CAST: variants seen among roughly 807,000 people sequenced by gnomAD.
The protein encoded by CAST is MIR583 host.
A neutral mutation model predicts 119.6 loss-of-function variants in CAST; 76 were observed. That is an observed-to-expected ratio of 0.64 (90% CI 0.53 to 0.77). CAST has a LOEUF of 0.77. Among genes scored for constraint, CAST ranks in the 30% least tolerant of loss-of-function variants. The pLI is 0.00. For missense variants in CAST, 953 were observed against 946.5 expected (o/e 1.01, Z -0.09); for synonymous variants, 319 against 331.6 (o/e 0.96, Z 0.41).
At chr5:96,161,535 C>T in the CAST span, among the ~76,000 whole-genome samples, 6 of 152,090 alleles carry the variant, frequency 3.9e-5, no homozygotes, top group African/African-American at 1.4e-4. Flanking sequence ...CTTACTGTAA[C>T]GTTATAGTAA....
In CAST at chr5:96,774,400, C is replaced by CTAA. The variant is rs1267473363; in HGVS notation, c.*1788_*1790dup. ...TCGAGACTTGGGTGTTTGTTAATAA[C>CTAA]TAATAACTGGAGTAAGCTACAGGAT... On this transcript the variant is annotated 3_prime_UTR_variant, in exon 32 of 32. Coordinates refer to ENST00000675179, the MANE Select transcript of CAST (RefSeq NM_001750.7). 4.0e-6 allele frequency: 2 copies of CTAA among 506,316 alleles called. No homozygotes were observed. The highest frequency in any genetic ancestry group is 8.5e-5 in the South Asian group (1 of 11,790). 31.4% of individuals were successfully genotyped at this position (506,316 alleles called of 1,614,324 possible).
At chr5:96,650,631 A>G (rs902051956) in intron 1 of CAST, among the ~76,000 whole-genome samples, 1 of 152,056 alleles carries the variant, frequency 6.6e-6, no homozygotes, top group Non-Finnish European at 1.5e-5. Context: ...GAATTATTTT[A>G]TGTAATTTGC....
chr5:96,261,634 A>G, the CAST span, among the ~76,000 whole-genome samples: 2 of 152,242 alleles, frequency 1.3e-5, no homozygotes, highest in Non-Finnish European at 2.9e-5. Flanking sequence ...GCAGATTAGC[A>G]TCCAAGATGG....
At chr5:96,450,390 G>A in the CAST span, among the ~76,000 whole-genome samples, 1 of 152,096 alleles carries the variant, frequency 6.6e-6, no homozygotes, top group African/African-American at 2.4e-5. Flanking sequence ...TAAACAATGG[G>A]TACACACAGA....
Position 96,746,413 on chromosome 5 carries a change from A to C in CAST, c.1272A>C (p.Leu424Phe), listed in dbSNP as rs1223530724. The C allele has an allele frequency of 1.2e-6, 2 of 1,601,808 alleles. No individual in the cohort carries two copies. Among genetic ancestry groups the C allele is most frequent in the African/African-American group, 1.3e-5 (1 of 74,692 alleles). Reference sequence around the variant, plus strand: ...AAACAATCCCATCTGAGTACAGATTAAAACCAGCCACGGTAAATTTTTAGC... The same window carrying C: ...AAACAATCCCATCTGAGTACAGATTCAAACCAGCCACGGTAAATTTTTAGC... The part of the protein sequence containing the change: ...DDETIPSEYR[L>F]KPATDKDGKP... The change falls in exon 17 of 32, where the codon TTA becomes TTC. Residue 424 changes from leucine to phenylalanine, a missense_variant. Physicochemically the swap from Leu to Phe is conservative, Grantham distance 22. Coordinates refer to ENST00000675179, the MANE Select transcript of CAST (RefSeq NM_001750.7).
rs574220696 is a variant in CAST at position 96,576,377 on chromosome 5, C to CTCTGT, written c.60+46498_60+46502dup. 8.6e-4 allele frequency among the ~76,000 whole-genome samples: 131 copies of CTCTGT among 152,194 alleles called. 2 individuals carry two copies. In the South Asian group the frequency reaches 0.027, roughly 31 times the overall value. On this transcript the variant is annotated intron_variant, in intron 1 of 11. Transcript: ENST00000505143. ...GTTTTGTTTTGGTGACAGAGTCTCACTCTGTCACCCAGGCTGGAGTGCAGT... is the reference window on the plus strand; with the variant it reads ...GTTTTGTTTTGGTGACAGAGTCTCACTCTGTTCTGTCACCCAGGCTGGAGTGCAGT...
the CAST span, among the ~76,000 whole-genome samples, chr5:96,042,551 T>C: frequency 1.8e-3 from 267 of 152,302 alleles, 1 homozygote; most frequent in African/African-American, 6.1e-3. Flanking sequence ...ACTCAGTAAG[T>C]GTTCGATATG....
intron 1 of CAST, among the ~76,000 whole-genome samples, chr5:96,644,904 A>C (rs1382944954): frequency 1.3e-5 from 2 of 152,150 alleles, no homozygotes; most frequent in Non-Finnish European, 2.9e-5. Flanking sequence ...TGAGCCTGGG[A>C]GGCAGAGGTT....
intron 1 of CAST, among the ~76,000 whole-genome samples, chr5:96,606,260 G>A (rs763964183): frequency 6.6e-6 from 1 of 152,118 alleles, no homozygotes; most frequent in African/African-American, 2.4e-5. Flanking sequence ...ACAGAGAAAT[G>A]GGAAAGAGGT....
At position 96,554,932 on chromosome 5, in the gene CAST, A is replaced by T. The variant is rs937060985; in HGVS notation, c.60+25052A>T. The stretch of plus-strand genomic sequence containing the variant: ...ATACTGGAGAGGTTGTGGAAAAATA[A>T]GAGTGCTTTTACACTGTTGGTGGAA... On this transcript the variant is annotated intron_variant, in intron 1 of 11. Transcript: ENST00000505143. Among the ~76,000 whole-genome samples, 59 of 152,310 alleles carry T rather than the reference A, an allele frequency of 3.9e-4. 1 individual carries two copies. The highest frequency in any genetic ancestry group is 1.4e-3 in the African/African-American group (59 of 41,580).
chr5:96,713,883 G>T (rs756849819), intron 3 of CAST, among the ~76,000 whole-genome samples: 1 of 152,098 alleles, frequency 6.6e-6, no homozygotes, highest in Non-Finnish European at 1.5e-5. Flanking sequence ...GCTGAGACCG[G>T]AGAATTGCTT....
chr5:96,563,194 C>T (rs541733379), intron 1 of CAST, among the ~76,000 whole-genome samples: 1 of 152,238 alleles, frequency 6.6e-6, no homozygotes, highest in East Asian at 1.9e-4. Flanking sequence ...CACTCTTCAA[C>T]AAAACTCCCA....
the CAST span, among the ~76,000 whole-genome samples, chr5:96,038,508 T>C: frequency 4.5e-4 from 68 of 152,046 alleles, no homozygotes; most frequent in East Asian, 1.7e-3. Context: ...TCTCCTAATG[T>C]TATCCCTCCT....
At chr5:96,734,626 A>G (rs1433492381) in intron 9 of CAST, among the ~76,000 whole-genome samples, 1 of 152,128 alleles carries the variant, frequency 6.6e-6, no homozygotes, top group African/African-American at 2.4e-5. Flanking sequence ...GCCACACGGT[A>G]AGGGAAAGGA....
chr5:96,521,488 T>TA (rs1189453691), upstream of CAST, among the ~76,000 whole-genome samples: 1 of 152,166 alleles, frequency 6.6e-6, no homozygotes, highest in African/African-American at 2.4e-5. Flanking sequence ...GTGTCTTTAA[T>TA]AAAGTCTTCT....
the CAST span, among the ~76,000 whole-genome samples, chr5:96,275,904 A>G: frequency 3.9e-5 from 6 of 152,362 alleles, no homozygotes; most frequent in African/African-American, 1.4e-4. Flanking sequence ...GAAGAGCACA[A>G]CTGAGAAGAA....
chr5:96,034,511 G>GCACACACACACACACACACACACA, the CAST span, among the ~76,000 whole-genome samples: 3 of 65,676 alleles, frequency 4.6e-5, no homozygotes, highest in Admixed American at 2.9e-4. Flanking sequence ...ACACACATAT[G>GCACACACACACACACACACACACA]TGTGTGTGTA....
intron 1 of CAST, among the ~76,000 whole-genome samples, chr5:96,537,760 C>G (rs1315510195): frequency 1.3e-5 from 2 of 152,152 alleles, no homozygotes; most frequent in Non-Finnish European, 2.9e-5. Flanking sequence ...GATTGTCACT[C>G]GGTCACTTGG....
intron 25 of CAST, chr5:96,762,786 G>A (rs1056212719): frequency 4.1e-6 from 1 of 241,618 alleles, no homozygotes; most frequent in Non-Finnish European, 8.0e-6. Context: ...TTATGGAATC[G>A]TCATGTTTGA....
Sources: gnomAD v4.1 joint callset for allele counts (sites outside exome capture counted in the v4.1 genomes callset) on GRCh38, gnomAD v4.1.1 for gene constraint, MANE v1.5 for transcripts, NCBI Gene and HGNC (gene_info 2026-07-23, HGNC 2026-07-21) for gene names.